The following NDST4 variants were observed in gnomAD, a reference collection of about 807,000 sequenced individuals.
NDST4 encodes N-heparan sulfate sulfotransferase 4.
A neutral mutation model predicts 100.8 loss-of-function variants in NDST4; 63 were observed. That is an observed-to-expected ratio of 0.62 (90% CI 0.51 to 0.77). The LOEUF (loss-of-function observed/expected upper bound fraction) is 0.77, where lower values mean the gene tolerates loss of function less well. Ranked by LOEUF, NDST4 falls within the 30% of genes least tolerant of loss-of-function variation. The pLI, the probability that NDST4 is intolerant of heterozygous loss-of-function variation, is 0.00. For synonymous variants in NDST4, 377 were observed against 361.8 expected (o/e 1.04, Z -0.48); for missense variants, 943 against 1,018.4 (o/e 0.93, Z 1.01).
chr4:114,889,874 C>T (rs564674174), intron 6 of NDST4, among the ~76,000 whole-genome samples: 1 of 152,130 alleles, frequency 6.6e-6, no homozygotes, highest in Non-Finnish European at 1.5e-5. Flanking sequence ...GAAAATGATA[C>T]AGTCATAACT....
intron 2 of NDST4, among the ~76,000 whole-genome samples, chr4:115,021,350 CATATTCCATATATACATTCCATATAT>C (rs1198209325): frequency 0.015 from 2,166 of 146,792 alleles, 67 homozygotes; most frequent in African/African-American, 0.052. Flanking sequence ...TCCATATATA[CATATTCCATATATACATTCCATATAT>C]ATATTCCATA....
rs779380644 is a variant in NDST4 at position 114,848,377 on chromosome 4, A to G, written c.1817-39T>C. ...AGAAAGTAAAAGGTTATATGGCAAT[A>G]AGAGACAAAATATTATTTTAGCATA... On this transcript the variant is annotated intron_variant, in intron 8 of 13. Coordinates refer to ENST00000264363, the MANE Select transcript of NDST4 (RefSeq NM_022569.3). 4.2e-6 allele frequency: 6 copies of G among 1,415,082 alleles called. No individual in the cohort carries two copies. The Admixed American group carries it at 1.2e-4, about 28-fold the overall frequency. The allele number at this position is 1,415,082 out of a possible 1,614,324, so 87.7% of individuals were successfully genotyped here. A position where few individuals can be genotyped will look rare whatever the true frequency, so the allele number is the denominator to read the frequency against.
intron 1 of NDST4, among the ~76,000 whole-genome samples, chr4:115,111,630 T>C (rs1419724003): frequency 6.6e-6 from 1 of 151,608 alleles, no homozygotes; most frequent in East Asian, 1.9e-4. Context: ...TTTCAGGAGG[T>C]TTTACCTTCC....
chr4:114,990,294 T>G (rs934805991), intron 2 of NDST4, among the ~76,000 whole-genome samples: 1 of 152,214 alleles, frequency 6.6e-6, no homozygotes, highest in South Asian at 2.1e-4. Flanking sequence ...TTCCATTCAC[T>G]GAATTATTAA....
intron 6 of NDST4, among the ~76,000 whole-genome samples, chr4:114,910,991 C>T (rs1725050451): frequency 6.6e-6 from 1 of 152,188 alleles, no homozygotes; most frequent in South Asian, 2.1e-4. Flanking sequence ...TAATTGGTAT[C>T]TTTGTTCTAC....
intron 6 of NDST4, among the ~76,000 whole-genome samples, chr4:114,918,810 G>A (rs142009718): frequency 2.4e-4 from 37 of 152,274 alleles, no homozygotes; most frequent in African/African-American, 8.4e-4. Flanking sequence ...ACATAGGGGA[G>A]CACTTTCTCT....
chr4:115,036,295 C>T (rs1728231370), intron 2 of NDST4, among the ~76,000 whole-genome samples: 1 of 151,202 alleles, frequency 6.6e-6, no homozygotes, highest in South Asian at 2.1e-4. Flanking sequence ...CTGTTCACCT[C>T]ATTATTATTA....
intron 4 of NDST4, among the ~76,000 whole-genome samples, chr4:114,943,476 T>A (rs1465856982): frequency 1.3e-5 from 2 of 152,184 alleles, no homozygotes; most frequent in African/African-American, 2.4e-5. Flanking sequence ...TCTGATTCTT[T>A]TCTCCCACCC....
chr4:114,877,983 A>G (rs1028135997), intron 6 of NDST4, among the ~76,000 whole-genome samples: 14 of 151,934 alleles, frequency 9.2e-5, no homozygotes, highest in African/African-American at 2.4e-4. Context: ...AGGAAAGAAA[A>G]TGGAAGAAAT....
At position 115,076,980 on chromosome 4, in the gene NDST4, A is replaced by G; in HGVS notation, c.57T>C (p.Ala19=). The G allele has an allele frequency of 6.2e-7, 1 of 1,612,806 alleles. No homozygotes were observed. Among genetic ancestry groups the G allele is most frequent in the Non-Finnish European group, 8.5e-7 (1 of 1,179,466 alleles). ...TGACAATGCTCACCAAGCAAAAGGT[A>G]GCTAAGAGAACAATCAATGTTCGAA... is the stretch of plus-strand genomic sequence containing the variant. The part of the protein sequence containing the change: ...RSFRTLIVLL[A]TFCLVSIVIS... Residue 19 remains alanine, a synonymous_variant, in exon 2 of 14, where the codon GCT becomes GCC. Transcript: ENST00000264363.
chr4:115,095,264 G>GT (rs919711513), intron 1 of NDST4, among the ~76,000 whole-genome samples: 1 of 152,058 alleles, frequency 6.6e-6, no homozygotes, highest in Non-Finnish European at 1.5e-5. Context: ...AGCTAATACT[G>GT]TTTGTGATGC....
chr4:114,945,208 C>CAAAAAAAAAAAAAAAAAAA, intron 4 of NDST4, among the ~76,000 whole-genome samples: 1 of 53,766 alleles, frequency 1.9e-5, no homozygotes. Flanking sequence ...AACTCCGTCT[C>CAAAAAAAAAAAAAAAAAAA]AAAAAAAAAA....
At chr4:114,869,227 A>G (rs1724096036) in intron 7 of NDST4, among the ~76,000 whole-genome samples, 2 of 151,746 alleles carry the variant, frequency 1.3e-5, no homozygotes, top group African/African-American at 2.4e-5. Flanking sequence ...TTCAAATAAT[A>G]TCAAGAAATT....
intron 2 of NDST4, among the ~76,000 whole-genome samples, chr4:115,045,370 G>C (rs932517506): frequency 3.9e-5 from 6 of 152,256 alleles, no homozygotes; most frequent in Non-Finnish European, 8.8e-5. Context: ...GCTAATTTAA[G>C]TGATCTTTCT....
intron 6 of NDST4, among the ~76,000 whole-genome samples, chr4:114,901,857 C>G (rs1244593485): frequency 6.6e-6 from 1 of 151,288 alleles, no homozygotes; most frequent in African/African-American, 2.4e-5. Context: ...TTTTTAGTGA[C>G]TGTAATAGAG....
chr4:115,107,992 T>C (rs1390675683), intron 1 of NDST4, among the ~76,000 whole-genome samples: 1 of 152,062 alleles, frequency 6.6e-6, no homozygotes, highest in Admixed American at 6.6e-5. Context: ...GGAACCATAA[T>C]ACTTTAGATA....
At chr4:115,015,586 A>C (rs1727658993) in intron 2 of NDST4, among the ~76,000 whole-genome samples, 1 of 152,104 alleles carries the variant, frequency 6.6e-6, no homozygotes, top group African/African-American at 2.4e-5. Context: ...TTCTGTCTTA[A>C]AGGGCAAAAT....
chr4:114,892,121 A>C (rs1448854660), intron 6 of NDST4, among the ~76,000 whole-genome samples: 1 of 152,158 alleles, frequency 6.6e-6, no homozygotes, highest in Non-Finnish European at 1.5e-5. Context: ...GTGTAACCTA[A>C]TATTTTTCCT....
chr4:115,022,532 A>G (rs184023132), intron 2 of NDST4, among the ~76,000 whole-genome samples: 179 of 117,982 alleles, frequency 1.5e-3, no homozygotes, highest in Non-Finnish European at 2.6e-3. Flanking sequence ...ATGTGATGGA[A>G]TACTTCTCAG....
Sources: gnomAD v4.1 joint callset for allele counts (sites outside exome capture counted in the v4.1 genomes callset) on GRCh38, gnomAD v4.1.1 for gene constraint, MANE v1.5 for transcripts, NCBI Gene and HGNC (gene_info 2026-07-23, HGNC 2026-07-21) for gene names.